The following UNK variants were observed in gnomAD, a reference collection of about 807,000 sequenced individuals.
UNK encodes the protein RING finger protein unkempt homolog.
UNK carries 32 observed loss-of-function variants against 97.6 expected under a neutral mutation model. That is an observed-to-expected ratio of 0.33 (90% CI 0.25 to 0.44). The LOEUF is 0.44. Among genes scored for constraint, UNK ranks in the 20% least tolerant of loss-of-function variants. The probability of loss-of-function intolerance (pLI) is 1.00; values close to 1 mark genes in which losing one functional copy is unlikely to be tolerated. For synonymous variants in UNK, 441 were observed against 461.2 expected (o/e 0.96, Z 0.56); for missense variants, 771 against 1,098.4 (o/e 0.70, Z 4.21).
rs367939734 is a variant in UNK at position 75,818,192 on chromosome 17, C to G, written c.1371+24C>G. On this transcript the variant is annotated intron_variant, in intron 10 of 15. Coordinates refer to ENST00000589666, the MANE Select transcript of UNK (RefSeq NM_001080419.3). This position sits in a 1 kb window ranked among gnomAD's most constrained non-coding sequence, Gnocchi z 5.1. ...AGGTATAGAGCTCTCAGCCCCCTTCCTCCCCTCTGCTGTGGACAGGAGTGG... is the reference window on the plus strand; with the variant it reads ...AGGTATAGAGCTCTCAGCCCCCTTCGTCCCCTCTGCTGTGGACAGGAGTGG... 17 of 1,612,778 alleles carry G rather than the reference C, an allele frequency of 1.1e-5. No individual in the cohort carries two copies. Among genetic ancestry groups the G allele is most frequent in the Non-Finnish European group, 1.4e-5 (17 of 1,179,468 alleles).
At chr17:75,792,355 A>C (rs1250746304) in intron 1 of UNK, 3 of 985,312 alleles carry the variant, frequency 3.0e-6, no homozygotes, top group Non-Finnish European at 3.6e-6. Context: ...ATCCGTATGC[A>C]TCTTCTCTGT....
At chr17:75,792,297 G>GTT (rs149356406) in intron 1 of UNK, 11 of 984,298 alleles carry the variant, frequency 1.1e-5, no homozygotes, top group Middle Eastern at 5.2e-4. Context: ...TTTTGTTTTT[G>GTT]TTTTTTTTAA....
At chr17:75,805,372 G>A (rs912117885) in intron 1 of UNK, among the ~76,000 whole-genome samples, 2 of 146,594 alleles carry the variant, frequency 1.4e-5, no homozygotes, top group African/African-American at 5.1e-5. Context: ...TCCAGCCTGG[G>A]TGACAGAGTG....
chr17:75,788,577 C>T (rs574024690), intron 1 of UNK, among the ~76,000 whole-genome samples: 3 of 152,304 alleles, frequency 2.0e-5, no homozygotes, highest in South Asian at 4.2e-4. Context: ...TGGTCTTGAA[C>T]TCCTGACCTC....
intron 1 of UNK, among the ~76,000 whole-genome samples, chr17:75,789,880 C>T (rs957354895): frequency 1.3e-5 from 2 of 152,100 alleles, no homozygotes; most frequent in African/African-American, 4.8e-5. Flanking sequence ...TAGTAGCTCA[C>T]ATCTGTAATC....
intron 1 of UNK, among the ~76,000 whole-genome samples, chr17:75,790,591 AC>A (rs2061755112): frequency 6.6e-6 from 1 of 152,088 alleles, no homozygotes; most frequent in Admixed American, 6.6e-5. Flanking sequence ...AGATTGTGTT[AC>A]TGCACTCCAG....
rs766457880 is a variant in UNK, at chr17:75,818,180, TC to T, written c.1371+13del. On this transcript the variant is annotated intron_variant, in intron 10 of 15. Coordinates refer to ENST00000589666, the MANE Select transcript of UNK (RefSeq NM_001080419.3). The surrounding 1 kb of genome is among the most constrained non-coding windows in gnomAD (Gnocchi z 5.1). Reference sequence around the variant, plus strand: ...TTCAGCCCAAACAGGTATAGAGCTCTCAGCCCCCTTCCTCCCCTCTGCTGTG... The same window carrying T: ...TTCAGCCCAAACAGGTATAGAGCTCTAGCCCCCTTCCTCCCCTCTGCTGTG... The T allele has an allele frequency of 1.2e-6, 2 of 1,613,116 alleles. No individual in the cohort carries two copies. Among genetic ancestry groups the T allele is most frequent in the South Asian group, 2.2e-5 (2 of 91,042 alleles).
chr17:75,824,240 C>A lies in UNK; in HGVS notation c.2278-22C>A. ...TGGGGCCAGACCCATGGATGGTGAC[C>A]ACGATGCCCCTTTCCCTGCAGGCCG... On this transcript the variant is annotated intron_variant, in intron 15 of 15. Coordinates refer to ENST00000589666, the MANE Select transcript of UNK (RefSeq NM_001080419.3). The surrounding 1 kb of genome is among the most constrained non-coding windows in gnomAD (Gnocchi z 4.9). 6.4e-7 allele frequency: 1 copy of A among 1,567,104 alleles called. No homozygotes were observed. Among genetic ancestry groups the A allele is most frequent in the East Asian group, 2.4e-5 (1 of 41,388 alleles).
At chr17:75,810,856 G>A (rs903719080) in intron 2 of UNK, among the ~76,000 whole-genome samples, 6 of 152,004 alleles carry the variant, frequency 3.9e-5, no homozygotes, top group South Asian at 2.1e-4. Flanking sequence ...GGCTAGTCTC[G>A]ACCTCCTGAC....
chr17:75,823,432 G>A lies in UNK; in HGVS notation c.2187G>A (p.Leu729=), dbSNP rs762162102. 2.5e-6 allele frequency: 4 copies of A among 1,592,290 alleles called. No homozygotes were observed. The East Asian group carries it at 9.1e-5, about 36-fold the overall frequency. Residue 729 remains leucine (L), a synonymous_variant, in exon 15 of 16, where the codon CTG becomes CTA. Coordinates refer to ENST00000589666, the MANE Select transcript of UNK (RefSeq NM_001080419.3). ...ACGCGGGGCCTGAGCCCCAGGCCCTGCCCGCCTTCTCCGACCTGGAGGCGC... is the reference window on the plus strand; with the variant it reads ...ACGCGGGGCCTGAGCCCCAGGCCCTACCCGCCTTCTCCGACCTGGAGGCGC... ...RLHAGPEPQA[L]PAFSDLEALS...
intron 1 of UNK, chr17:75,793,306 C>CT: frequency 1.7e-6 from 1 of 587,700 alleles, no homozygotes; most frequent in Non-Finnish European, 2.1e-6. Context: ...ATGGGCATTT[C>CT]TTTAAGGACA....
At position 75,817,220 on chromosome 17, in the gene UNK, G is replaced by A; in HGVS notation, c.1105-106G>A. 7.8e-7 allele frequency: 1 copy of A among 1,284,802 alleles called. No individual in the cohort carries two copies. Among genetic ancestry groups the A allele is most frequent in the Non-Finnish European group, 1.1e-6 (1 of 941,386 alleles). 79.6% of individuals were successfully genotyped at this position (1,284,802 alleles called of 1,614,324 possible). On this transcript the variant is annotated intron_variant, in intron 8 of 15. Transcript: ENST00000589666. This position sits in a 1 kb window ranked among gnomAD's most constrained non-coding sequence, Gnocchi z 5.8. ...CACTGCTGCTCGTTGGCAGATGAAA[G>A]TGGAACTGAGCCCCTTGAAGACTCC...
At chr17:75,802,275 T>C (rs1459416731) in intron 1 of UNK, among the ~76,000 whole-genome samples, 2 of 60,896 alleles carry the variant, frequency 3.3e-5, no homozygotes, top group East Asian at 3.8e-4. Context: ...TTTTTTTTTT[T>C]TGAGACAGGG....
rs1404013335 is a variant in UNK, at chr17:75,802,753, T to C, written c.105-7007T>C. 2.6e-5 allele frequency among the ~76,000 whole-genome samples: 4 copies of C among 152,162 alleles called. No homozygotes were observed. The East Asian group carries it at 7.7e-4, about 29-fold the overall frequency. On this transcript the variant is annotated intron_variant, in intron 1 of 15. Coordinates refer to ENST00000589666, the MANE Select transcript of UNK (RefSeq NM_001080419.3). ...GAGAAGTGTGTCCAGATAAAACACA[T>C]TTTTGTTTGAGAGTGTTAGCTTTTC...
rs1484112681 is a variant in UNK, at chr17:75,784,947, G to C, written c.67G>C (p.Val23Leu). ...SSAPPAATAQ[V>L]LQAQPEKPQH... is the part of the protein sequence containing the mutation. ...GGCGCCCCCGGCCGCTACCGCTCAG[G>C]TGCTGCAGGCACAGCCCGAGAAACC... Residue 23 changes from valine to leucine, a missense_variant, in exon 1 of 16, where the codon GTG becomes CTG. Transcript: ENST00000589666. The C allele has an allele frequency of 1.3e-6, 2 of 1,541,730 alleles. No homozygotes were observed. The highest frequency in any genetic ancestry group is 2.4e-5 in the East Asian group (1 of 41,256).
intron 1 of UNK, among the ~76,000 whole-genome samples, chr17:75,792,787 T>C (rs1052754957): frequency 4.6e-5 from 7 of 152,250 alleles, no homozygotes; most frequent in African/African-American, 1.7e-4. Flanking sequence ...CACTGAAATG[T>C]ACAAGTGGTG....
At chr17:75,809,578 G>C (rs2061949796) in intron 1 of UNK, among the ~76,000 whole-genome samples, 182 bp from the exon 2 acceptor site, 1 of 152,220 alleles carries the variant, frequency 6.6e-6, no homozygotes. Flanking sequence ...GTGGGACTGG[G>C]GTGTTGGTTT....
intron 13 of UNK, 44 bp from the exon 14 acceptor site, chr17:75,822,432 GC>G (rs748956161): frequency 2.6e-6 from 4 of 1,564,922 alleles, no homozygotes; most frequent in East Asian, 4.6e-5. Flanking sequence ...CAGGGCCTGG[GC>G]CCAAAGCCCT....
chr17:75,823,291 G>C lies in UNK; in HGVS notation c.2046G>C (p.Ala682=). Residue 682 remains alanine, a synonymous_variant, in exon 15 of 16, where the codon GCG becomes GCC. Coordinates refer to ENST00000589666, the MANE Select transcript of UNK (RefSeq NM_001080419.3). ...KQACDAWKKE[A]EEAGERASAA... ...CTTGTGATGCCTGGAAGAAAGAGGC[G>C]GAGGAGGCTGGTGAGCGGGCCAGTG... 1 of 1,606,434 alleles carries C rather than the reference G, an allele frequency of 6.2e-7. No individual in the cohort carries two copies. Among genetic ancestry groups the C allele is most frequent in the Non-Finnish European group, 8.5e-7 (1 of 1,175,244 alleles).
Sources: allele counts gnomAD v4.1 joint callset (sites outside exome capture counted in the v4.1 genomes callset), GRCh38; gene constraint gnomAD v4.1.1; non-coding constraint Gnocchi (gnomAD v3.1); transcripts MANE v1.5; gene names NCBI Gene and HGNC (gene_info 2026-07-23, HGNC 2026-07-21).